Variants in TUT7 observed in about 807,000 individuals in gnomAD.
The protein encoded by TUT7 is terminal uridylyltransferase 7.
Under a neutral mutation model 165.9 loss-of-function variants are expected in TUT7, and 33 were observed. The ratio of observed to expected loss-of-function variants is 0.20; its 90% CI spans 0.15 to 0.27. The LOEUF (loss-of-function observed/expected upper bound fraction) is 0.27. Ranked by LOEUF, TUT7 falls within the 10% of genes least tolerant of loss-of-function variation. The probability of loss-of-function intolerance (pLI) is 1.00; values close to 1 mark genes in which losing one functional copy is unlikely to be tolerated. For missense variants in TUT7, 1,338 were observed against 1,762.3 expected, an observed-to-expected ratio of 0.76 and a Z score of 4.31; for synonymous variants, 552 against 608.1, an observed-to-expected ratio of 0.91 and a Z score of 1.36.
intron 2 of TUT7, among the ~76,000 whole-genome samples, chr9:86,348,762 A>C (rs1253466246): frequency 6.6e-6 from 1 of 152,050 alleles, no homozygotes; most frequent in Admixed American, 6.6e-5. Flanking sequence ...AAAAACAAAC[A>C]AACAAAAAAA....
At chr9:86,327,453 C>A (rs182088911) in intron 11 of TUT7, among the ~76,000 whole-genome samples, 2 of 152,302 alleles carry the variant, frequency 1.3e-5, no homozygotes, top group Non-Finnish European at 2.9e-5. Context: ...AGGGAGGAAA[C>A]TGGTGCACAG....
rs144530133 is a variant in TUT7 at position 86,289,092 on chromosome 9, T to C, written c.4421-348A>G. ...TCATTTGCAGCCAAACATAATAGAT[T>C]GCAAAGAATTATCTGGCCAGAAATA... is the stretch of plus-strand genomic sequence containing the variant. On this transcript the variant is annotated intron_variant, in intron 26 of 26. Coordinates refer to ENST00000375963, the MANE Select transcript of TUT7 (RefSeq NM_024617.4). Among the ~76,000 whole-genome samples the C allele has an allele frequency of 4.1e-3, 622 of 152,324 alleles. 4 individuals are homozygous for C. Among genetic ancestry groups the C allele is most frequent in the African/African-American group, 0.014 (592 of 41,572 alleles).
chr9:86,325,071 T>C (rs1429548305), intron 12 of TUT7, among the ~76,000 whole-genome samples: 1 of 152,230 alleles, frequency 6.6e-6, no homozygotes, highest in East Asian at 1.9e-4. Context: ...GGCATTTAAG[T>C]GGTTAAGCAA....
chr9:86,299,557 A>G (rs1246839086), intron 26 of TUT7, among the ~76,000 whole-genome samples: 1 of 152,114 alleles, frequency 6.6e-6, no homozygotes, highest in Non-Finnish European at 1.5e-5. Flanking sequence ...TACTAACTTT[A>G]ATGTGTCAAG....
intron 26 of TUT7, among the ~76,000 whole-genome samples, chr9:86,293,975 A>G (rs896905864): frequency 1.3e-5 from 2 of 152,010 alleles, no homozygotes; most frequent in Non-Finnish European, 2.9e-5. Flanking sequence ...GGAACTCCCA[A>G]CCTCAGGTGA....
intron 17 of TUT7, among the ~76,000 whole-genome samples, chr9:86,312,501 C>T (rs62573409): frequency 0.44 from 66,267 of 150,258 alleles, 14,657 homozygotes; most frequent in Middle Eastern, 0.59. Context: ...GGGGGTCAGT[C>T]CCCCGCCCGG....
intron 5 of TUT7, 108 bp downstream of exon 5, chr9:86,344,869 C>A: frequency 9.0e-7 from 1 of 1,106,858 alleles, no homozygotes; most frequent in Non-Finnish European, 1.3e-6. Context: ...AACACAAGAG[C>A]TTCATGACAT....
chr9:86,316,011 A>T (rs746711831), intron 17 of TUT7, among the ~76,000 whole-genome samples: 13 of 152,198 alleles, frequency 8.5e-5, no homozygotes, highest in Admixed American at 2.0e-4. Flanking sequence ...GCTGTGACTT[A>T]AAGTCTGTTC....
At chr9:86,306,389 G>A (rs1223002324) in intron 22 of TUT7, among the ~76,000 whole-genome samples, 1 of 152,154 alleles carries the variant, frequency 6.6e-6, no homozygotes, top group Non-Finnish European at 1.5e-5. Flanking sequence ...TTATTGCTAT[G>A]AGAAGGTTAC....
chr9:86,320,832 T>C (rs1367799113), intron 14 of TUT7, among the ~76,000 whole-genome samples: 3 of 152,168 alleles, frequency 2.0e-5, no homozygotes, highest in Non-Finnish European at 2.9e-5. Context: ...CTTCAGAAAA[T>C]ATCTTTCTTC....
intron 26 of TUT7, among the ~76,000 whole-genome samples, chr9:86,295,122 TCAAA>T (rs141830678): frequency 0.024 from 3,707 of 152,132 alleles, 151 homozygotes; most frequent in African/African-American, 0.083. Context: ...AGGGAGAAGT[TCAAA>T]CAAACAAACA....
chr9:86,294,286 A>C (rs1204780151), intron 26 of TUT7, among the ~76,000 whole-genome samples: 1 of 151,924 alleles, frequency 6.6e-6, no homozygotes. Context: ...AAAAAAAAAA[A>C]AAAAAAAAAC....
Position 86,352,774 on chromosome 9 carries a change from C to G in TUT7, c.426G>C (p.Trp142Cys). 6.2e-7 allele frequency: 1 copy of G among 1,614,146 alleles called. No individual in the cohort carries two copies. The highest frequency in any genetic ancestry group is 1.1e-5 in the South Asian group (1 of 91,082). Residue 142 changes from tryptophan (W) to cysteine (C), a missense_variant, in exon 2 of 27, where the codon TGG (tryptophan) becomes TGC (cysteine). Physicochemically the swap from Trp to Cys is radical, Grantham distance 215. Coordinates refer to ENST00000375963, the MANE Select transcript of TUT7 (RefSeq NM_024617.4). Reference protein sequence around the residue: ...SFQENEDGYRWQDTRGCRTVR... With the variant: ...SFQENEDGYRCQDTRGCRTVR... ...CAGTTCTGCAGCCTCTTGTGTCTTG[C>G]CACCTATAACCATCTTCATTTTCTT...
chr9:86,333,374 T>C (rs539674410), intron 10 of TUT7, among the ~76,000 whole-genome samples: 9 of 152,252 alleles, frequency 5.9e-5, no homozygotes, highest in Non-Finnish European at 1.2e-4. Context: ...ATTATACATA[T>C]GTTTCAACCT....
intron 14 of TUT7, among the ~76,000 whole-genome samples, chr9:86,321,379 T>G (rs2131425343): frequency 6.6e-6 from 1 of 151,680 alleles, no homozygotes; most frequent in African/African-American, 2.4e-5. Context: ...ATTTTTTTTC[T>G]TGGCAGAGTA....
intron 15 of TUT7, 150 bp from the exon 16 acceptor site, chr9:86,319,208 T>C (rs1350003115): frequency 8.4e-6 from 5 of 594,346 alleles, no homozygotes; most frequent in African/African-American, 1.9e-5. Flanking sequence ...TGGTCATTTA[T>C]GCTAAAGTCT....
chr9:86,311,440 C>A lies in TUT7; in HGVS notation c.3275-631G>T, dbSNP rs1303262307. Reference sequence around the variant, plus strand: ...ATAGAATGGTACGTTCAGGGAAGTTCCAGAGAATTGCATAGGTTGCCGAAT... The same window carrying A: ...ATAGAATGGTACGTTCAGGGAAGTTACAGAGAATTGCATAGGTTGCCGAAT... On this transcript the variant is annotated intron_variant, in intron 17 of 26. Coordinates refer to ENST00000375963, the MANE Select transcript of TUT7 (RefSeq NM_024617.4). The surrounding 1 kb of genome is among the most constrained non-coding windows in gnomAD (Gnocchi z 4.4). Among the ~76,000 whole-genome samples, 1 of 152,030 alleles carries A rather than the reference C, an allele frequency of 6.6e-6. No homozygotes were observed. The highest frequency in any genetic ancestry group is 2.4e-5 in the African/African-American group (1 of 41,366).
At chr9:86,306,351 CCCTT>C (rs1185897270) in intron 22 of TUT7, among the ~76,000 whole-genome samples, 4 of 152,166 alleles carry the variant, frequency 2.6e-5, no homozygotes, top group Non-Finnish European at 4.4e-5. Flanking sequence ...AAGTATAGGA[CCCTT>C]CCTTCAGCTC....
At position 86,290,754 on chromosome 9, in the gene TUT7, G is replaced by A. The variant is rs554501969; in HGVS notation, c.4421-2010C>T. On this transcript the variant is annotated intron_variant, in intron 26 of 26. Transcript: ENST00000375963. ...GGCACACTAGTAGTCCCAGCTACTC[G>A]GAAGGCTGAGGCAGGAGAATTGCTC... is the stretch of plus-strand genomic sequence containing the variant. 6.6e-5 allele frequency among the ~76,000 whole-genome samples: 10 copies of A among 151,652 alleles called. No homozygotes were observed. The South Asian group carries it at 1.2e-3, about 19-fold the overall frequency.
Sources: gnomAD v4.1 joint callset for allele counts (sites outside exome capture counted in the v4.1 genomes callset) on GRCh38, gnomAD v4.1.1 for gene constraint, Gnocchi (gnomAD v3.1) non-coding constraint, MANE v1.5 for transcripts, NCBI Gene and HGNC (gene_info 2026-07-23, HGNC 2026-07-21) for gene names.